The following ETV5 variants were observed in gnomAD, a reference collection of about 807,000 sequenced individuals.
The protein encoded by ETV5 is ETS variant transcription factor 5, also known as ETS translocation variant 5.
A neutral mutation model predicts 70.0 loss-of-function variants in ETV5; 10 were observed. The ratio of observed to expected loss-of-function variants is 0.14; its 90% confidence interval spans 0.09 to 0.24. The LOEUF (loss-of-function observed/expected upper bound fraction) is 0.24, where lower values mean the gene tolerates loss of function less well. Ranked by LOEUF, ETV5 falls within the 10% of genes least tolerant of loss-of-function variation. ETV5 has a pLI of 1.00. For synonymous variants in ETV5, 216 were observed against 242.2 expected (o/e 0.89, Z 1.01); for missense variants, 453 against 651.2 (o/e 0.70, Z 3.31).
chr3:186,063,789 C>T (rs1400579796), intron 9 of ETV5, among the ~76,000 whole-genome samples: 1 of 152,180 alleles, frequency 6.6e-6, no homozygotes, highest in Non-Finnish European at 1.5e-5. Flanking sequence ...GCTCACTTCC[C>T]CACCAGCCCC....
At position 186,065,796 on chromosome 3, in the gene ETV5, C is replaced by T; in HGVS notation, c.910+17G>A. On this transcript the variant is annotated intron_variant, in intron 8 of 12. Transcript: ENST00000306376. ...AATGCAAGAATGAAGCAAAGAATAG[C>T]ACAATTTGATGCTGACCTGAATCGA... The T allele has an allele frequency of 6.2e-7, 1 of 1,613,658 alleles. No homozygotes were observed. Among genetic ancestry groups the T allele is most frequent in the Non-Finnish European group, 8.5e-7 (1 of 1,179,948 alleles).
At chr3:186,082,528 C>G (rs1173467844) in intron 5 of ETV5, among the ~76,000 whole-genome samples, 2 of 150,422 alleles carry the variant, frequency 1.3e-5, no homozygotes, top group African/African-American at 2.5e-5. Flanking sequence ...TCAAACGATT[C>G]TCCTGCCTCA....
chr3:186,052,484 T>C lies in ETV5; in HGVS notation c.1210-353A>G, dbSNP rs530889929. 1.3e-5 allele frequency among the ~76,000 whole-genome samples: 2 copies of C among 152,344 alleles called. No individual in the cohort carries two copies. Among genetic ancestry groups the C allele is most frequent in the South Asian group, 2.1e-4 (1 of 4,824 alleles). The stretch of plus-strand genomic sequence containing the variant: ...CGTGTTGCCATTAAGTGCTATGGTT[T>C]CTGTAGCAGTCAATAAGGAATAATT... On this transcript the variant is annotated intron_variant, in intron 11 of 12. Transcript: ENST00000306376. The surrounding 1 kb of genome is among the most constrained non-coding windows in gnomAD (Gnocchi z 4.5).
intron 5 of ETV5, chr3:186,084,282 T>TAAAAAAAAAAAAAAAAAAAAAA (rs11327778): frequency 9.2e-6 from 2 of 217,768 alleles, no homozygotes; most frequent in Admixed American, 6.9e-5. Flanking sequence ...AAAGAAATGC[T>TAAAAAAAAAAAAAAAAAAAAAA]AAAAAAAAAA....
chr3:186,084,675 G>A (rs1714015110), intron 5 of ETV5, among the ~76,000 whole-genome samples: 1 of 152,162 alleles, frequency 6.6e-6, no homozygotes, highest in Non-Finnish European at 1.5e-5. Context: ...CACATTTATA[G>A]ATAAGGATCC....
chr3:186,080,877 G>T (rs1322549154), intron 6 of ETV5, 169 bp downstream of exon 6: 4 of 706,512 alleles, frequency 5.7e-6, no homozygotes, highest in East Asian at 6.0e-5. Flanking sequence ...GCAGTACAAT[G>T]ATCCCAAGGG....
chr3:186,104,139 G>A lies in ETV5; in HGVS notation c.232+1166C>T, dbSNP rs189443668. 9.2e-4 allele frequency among the ~76,000 whole-genome samples: 140 copies of A among 152,328 alleles called. 2 individuals carry two copies. The highest frequency in any genetic ancestry group is 9.1e-4 in the Admixed American group (14 of 15,306). On this transcript the variant is annotated intron_variant, in intron 5 of 12. Coordinates refer to ENST00000306376, the MANE Select transcript of ETV5 (RefSeq NM_004454.3). ...TCTCTATGATGCAACTCTCAAGAGA[G>A]GCAGCATTTTCTCCAGGCCTCTCTT...
chr3:186,084,119 T>A (rs748251164), intron 5 of ETV5: 1 of 407,140 alleles, frequency 2.5e-6, no homozygotes. Flanking sequence ...TTGCAGATGG[T>A]GCTATGATGT....
chr3:186,077,058 G>A (rs944527120), intron 7 of ETV5, among the ~76,000 whole-genome samples: 1 of 152,216 alleles, frequency 6.6e-6, no homozygotes, highest in Non-Finnish European at 1.5e-5. Context: ...GTAGGACCCT[G>A]TATTTGGCTA....
intron 7 of ETV5, among the ~76,000 whole-genome samples, chr3:186,072,556 A>C (rs986593709): frequency 3.3e-5 from 5 of 152,180 alleles, no homozygotes; most frequent in African/African-American, 1.2e-4. Context: ...CAACTTCACA[A>C]TGATGTTTAT....
intron 7 of ETV5, among the ~76,000 whole-genome samples, chr3:186,074,253 A>G (rs978343464): frequency 3.3e-5 from 5 of 152,146 alleles, no homozygotes; most frequent in African/African-American, 1.2e-4. Context: ...TCTTAGAAAA[A>G]TTTATTTATT....
At chr3:186,053,665 C>T (rs1455060086) in intron 11 of ETV5, among the ~76,000 whole-genome samples, 1 of 152,102 alleles carries the variant, frequency 6.6e-6, no homozygotes, top group East Asian at 1.9e-4. Context: ...GCTTCATGTC[C>T]CCACAGCAGA....
intron 11 of ETV5, 91 bp downstream of exon 11, chr3:186,056,984 T>C: frequency 6.9e-7 from 1 of 1,455,038 alleles, no homozygotes. Flanking sequence ...AGAGCAGACT[T>C]GACACAAAAA....
In ETV5 at chr3:186,057,302, G is replaced by A; in HGVS notation, c.1040-58C>T. 6.2e-7 allele frequency: 1 copy of A among 1,607,640 alleles called. No homozygotes were observed. The highest frequency in any genetic ancestry group is 8.5e-7 in the Non-Finnish European group (1 of 1,175,672). On this transcript the variant is annotated intron_variant, in intron 10 of 12. Coordinates refer to ENST00000306376, the MANE Select transcript of ETV5 (RefSeq NM_004454.3). The surrounding 1 kb of genome is among the most constrained non-coding windows in gnomAD (Gnocchi z 4.9). The stretch of plus-strand genomic sequence containing the variant: ...TTAGTCCTAAGTTTCTCAGGTGGTT[G>A]GGACAAAAAGGAGTTGTTCATGCTG...
At chr3:186,104,133 A>C (rs1396848549) in intron 5 of ETV5, among the ~76,000 whole-genome samples, 2 of 152,214 alleles carry the variant, frequency 1.3e-5, no homozygotes, top group Non-Finnish European at 2.9e-5. Context: ...TGCAACTCTC[A>C]AGAGAGGCAG....
chr3:186,058,060 T>C (rs1183428520), intron 9 of ETV5, among the ~76,000 whole-genome samples: 1 of 152,070 alleles, frequency 6.6e-6, no homozygotes, highest in Non-Finnish European at 1.5e-5. Context: ...TACCAAACAG[T>C]GGAGAGGATC....
At chr3:186,079,760 T>C in intron 7 of ETV5, 57 bp downstream of exon 7, 1 of 1,507,908 alleles carries the variant, frequency 6.6e-7, no homozygotes, top group Middle Eastern at 1.7e-4. Context: ...CCTCTCCCAG[T>C]GAGAAAGGAT....
At chr3:186,060,110 T>C (rs1197917992) in intron 9 of ETV5, among the ~76,000 whole-genome samples, 1 of 152,252 alleles carries the variant, frequency 6.6e-6, no homozygotes, top group East Asian at 1.9e-4. Flanking sequence ...AATGGTCTTA[T>C]TATAAAGTCA....
At chr3:186,104,081 G>C (rs1194405104) in intron 5 of ETV5, among the ~76,000 whole-genome samples, 1 of 152,220 alleles carries the variant, frequency 6.6e-6, no homozygotes, top group Non-Finnish European at 1.5e-5. Flanking sequence ...TCAGGTGCTT[G>C]CTATTATAAA....
Sources: allele counts gnomAD v4.1 joint callset (sites outside exome capture counted in the v4.1 genomes callset), GRCh38; gene constraint gnomAD v4.1.1; non-coding constraint Gnocchi (gnomAD v3.1); transcripts MANE v1.5; gene names NCBI Gene and HGNC (gene_info 2026-07-23, HGNC 2026-07-21).